The following HPS3 variants were observed in gnomAD, a reference collection of about 807,000 sequenced individuals.
HPS3 encodes the protein HPS3 biogenesis of lysosomal organelles complex 2 subunit 1.
HPS3 carries 79 observed loss-of-function variants against 110.9 expected under a neutral mutation model. The ratio of observed to expected loss-of-function variants is 0.71; its 90% confidence interval spans 0.59 to 0.86. HPS3 has a LOEUF of 0.86. Among genes scored for constraint, HPS3 ranks in the 40% least tolerant of loss-of-function variants. HPS3 has a pLI of 0.00. For synonymous variants in HPS3, 428 were observed against 451.0 expected (o/e 0.95, Z 0.65); for missense variants, 1,197 against 1,206.2 (o/e 0.99, Z 0.11).
intron 7 of HPS3, 99 bp from the exon 8 acceptor site, chr3:149,155,008 A>T: frequency 1.3e-6 from 1 of 747,516 alleles, no homozygotes; most frequent in Non-Finnish European, 2.4e-6. Flanking sequence ...AGTAAATGAA[A>T]ATGATTTTAT....
At chr3:149,144,752 C>T (rs1722692538) in intron 4 of HPS3, among the ~76,000 whole-genome samples, 1 of 152,072 alleles carries the variant, frequency 6.6e-6, no homozygotes. Context: ...TCACATGCCG[C>T]TATTAAGCAC....
At position 149,135,005 on chromosome 3, in the gene HPS3, A is replaced by G. The variant is rs536372326; in HGVS notation, c.218-4999A>G. Among the ~76,000 whole-genome samples the G allele has an allele frequency of 5.3e-5, 8 of 152,280 alleles. 1 individual carries two copies. The South Asian group carries it at 1.5e-3, about 28-fold the overall frequency. ...TTTTGGCCCCTTCCTTCCATTCACA[A>G]TAACTGGGACATGAGGATTCCGGCT... is the stretch of plus-strand genomic sequence containing the variant. On this transcript the variant is annotated intron_variant, in intron 1 of 16. Transcript: ENST00000296051.
intron 16 of HPS3, among the ~76,000 whole-genome samples, chr3:149,171,167 A>G (rs902076758): frequency 1.3e-5 from 2 of 152,068 alleles, no homozygotes; most frequent in African/African-American, 4.8e-5. Flanking sequence ...AGTCCCAGCT[A>G]TTTGGGAGGC....
Position 149,157,431 on chromosome 3 carries a change from G to T in HPS3, c.1591G>T (p.Ala531Ser). ...LLSEAHLLVR[A>S]ALMDASQLEP... ...CAGTGAGGCTCATCTGTTAGTGCGAGCTGCCCTGATGGATGCCAGTCAGCT... is the reference window on the plus strand; with the variant it reads ...CAGTGAGGCTCATCTGTTAGTGCGATCTGCCCTGATGGATGCCAGTCAGCT... The change falls in exon 9 of 17, where the codon GCT becomes TCT. Residue 531 changes from alanine to serine, a missense_variant. Ala to Ser is a moderately conservative substitution (Grantham distance 99, BLOSUM62 1). Transcript: ENST00000296051. The T allele has an allele frequency of 6.2e-7, 1 of 1,613,926 alleles. No homozygotes were observed. The highest frequency in any genetic ancestry group is 8.5e-7 in the Non-Finnish European group (1 of 1,179,882).
chr3:149,169,293 C>G (rs923471580), intron 16 of HPS3, among the ~76,000 whole-genome samples: 6 of 152,114 alleles, frequency 3.9e-5, no homozygotes, highest in African/African-American at 1.4e-4. Context: ...TGAAAAGAGC[C>G]CTGTACTGGG....
chr3:149,158,823 A>C lies in HPS3; in HGVS notation c.1849A>C (p.Asn617His). The C allele has an allele frequency of 6.3e-7, 1 of 1,594,724 alleles. No homozygotes were observed. Among genetic ancestry groups the C allele is most frequent in the Non-Finnish European group, 8.6e-7 (1 of 1,162,536 alleles). Residue 617 changes from asparagine to histidine, a missense_variant, in exon 10 of 17, where the codon AAC becomes CAC. Coordinates refer to ENST00000296051, the MANE Select transcript of HPS3 (RefSeq NM_032383.5). Reference sequence around the variant, plus strand: ...TTACATTAATCATTCACTTTATGAAAACCTGGATGAAGAATTAAATGAAGT... The same window carrying C: ...TTACATTAATCATTCACTTTATGAACACCTGGATGAAGAATTAAATGAAGT... ...IFYINHSLYENLDEELNEELA... is the reference protein window; with the variant it reads ...IFYINHSLYEHLDEELNEELA...
chr3:149,135,880 C>T (rs763303151), intron 1 of HPS3, among the ~76,000 whole-genome samples: 1 of 152,116 alleles, frequency 6.6e-6, no homozygotes, highest in Non-Finnish European at 1.5e-5. Flanking sequence ...TCCCACAAGC[C>T]CTACTTTCTC....
chr3:149,165,254 T>TA (rs1433745650), intron 14 of HPS3, among the ~76,000 whole-genome samples: 2 of 152,224 alleles, frequency 1.3e-5, no homozygotes, highest in Non-Finnish European at 2.9e-5. Flanking sequence ...ACACACTAAT[T>TA]ACATATTTAA....
intron 14 of HPS3, chr3:149,166,022 C>T (rs1026970816): frequency 8.3e-5 from 38 of 456,010 alleles, no homozygotes; most frequent in Admixed American, 1.9e-4. Flanking sequence ...AGATCACATT[C>T]CATATTCTCC....
chr3:149,129,652 A>G lies in HPS3; in HGVS notation c.-72A>G, dbSNP rs899915030. ...GGCTCGCTCGCGGAAGTAGTCCTAC[A>G]TTCGCGGTCAGCGCGGGGTCTCCGG... On this transcript the variant is annotated 5_prime_UTR_variant, in exon 1 of 17. Transcript: ENST00000296051. 1.2e-5 allele frequency: 14 copies of G among 1,206,710 alleles called. No homozygotes were observed. In the Admixed American group the frequency reaches 2.8e-4, roughly 24 times the overall value. The allele number at this position is 1,206,710 out of a possible 1,614,324, so 74.8% of individuals were successfully genotyped here.
At chr3:149,145,315 G>C in intron 4 of HPS3, 39 bp from the exon 5 acceptor site, 1 of 1,443,050 alleles carries the variant, frequency 6.9e-7, no homozygotes, top group South Asian at 1.1e-5. Context: ...TTTATTTACT[G>C]GTTTCATGGT....
Position 149,153,536 on chromosome 3 carries a change from CA to C in HPS3, c.1289del (p.Gln430ArgfsTer4). On this transcript the variant is annotated frameshift_variant, in exon 7 of 17. Transcript: ENST00000296051. LOFTEE classifies it high-confidence loss of function. Reference sequence around the variant, plus strand: ...TATGGATGTCTGTGCTTTAAGAATACAGCTTTTCATAGGCTTGAAAGCCATC... The same window carrying C: ...TATGGATGTCTGTGCTTTAAGAATACGCTTTTCATAGGCTTGAAAGCCATC... ...VSMDVCALRI[Q>X]LFIGLKAICH... 1 of 1,613,940 alleles carries C rather than the reference CA, an allele frequency of 6.2e-7. No individual in the cohort carries two copies.
chr3:149,152,238 CTCT>C (rs1243773579), intron 6 of HPS3, among the ~76,000 whole-genome samples: 2 of 152,150 alleles, frequency 1.3e-5, no homozygotes, highest in African/African-American at 2.4e-5. Context: ...ATTCTTTGTC[CTCT>C]TCTTTCCCCT....
At chr3:149,153,760 T>C in intron 7 of HPS3, 112 bp downstream of exon 7, 1 of 1,083,868 alleles carries the variant, frequency 9.2e-7, no homozygotes, top group Non-Finnish European at 1.4e-6. Flanking sequence ...CAAATGGCTT[T>C]TTTATGGTGG....
chr3:149,157,553 C>A, intron 9 of HPS3, 22 bp downstream of exon 9: 6 of 1,610,506 alleles, frequency 3.7e-6, no homozygotes, highest in Non-Finnish European at 5.1e-6. Context: ...CTCTTGGAAC[C>A]TTGTTACAGA....
intron 16 of HPS3, among the ~76,000 whole-genome samples, chr3:149,168,778 A>T (rs1030980126): frequency 6.6e-6 from 1 of 152,184 alleles, no homozygotes; most frequent in Non-Finnish European, 1.5e-5. Flanking sequence ...TTTTCAGAAG[A>T]TGGAAGTGTC....
rs10693502 is a variant in HPS3, at chr3:149,141,200, C to CTTTTT, written c.884+21_884+25dup. The stretch of plus-strand genomic sequence containing the variant: ...CACCTGCTCTATAGGTATTATAGTG[C>CTTTTT]TTTTTTTTTTTTTACCAGCATTTTA... On this transcript the variant is annotated intron_variant, in intron 3 of 16. Transcript: ENST00000296051. The CTTTTT allele has an allele frequency of 0.13, 189,653 of 1,463,776 alleles. 3,308 individuals carry two copies. The highest frequency in any genetic ancestry group is 0.15 in the East Asian group (6,165 of 41,258). 90.7% of individuals were successfully genotyped at this position (1,463,776 alleles called of 1,614,324 possible). A position where few individuals can be genotyped will look rare whatever the true frequency, so the allele number is the denominator to read the frequency against.
At position 149,150,669 on chromosome 3, in the gene HPS3, A is replaced by G. The variant is rs1723048500; in HGVS notation, c.1234A>G (p.Thr412Ala). Reference protein sequence around the residue: ...AAREEDPYMDTTLKACPPVSM... With the variant: ...AAREEDPYMDATLKACPPVSM... ...TCGTGAGGAGGACCCGTACATGGAC[A>G]CCACCCTGAAGGTAAGAACTGGCTT... is the stretch of plus-strand genomic sequence containing the variant. Residue 412 changes from threonine (T) to alanine (A), a missense_variant, in exon 6 of 17, where the codon ACC becomes GCC. Physicochemically the swap from Thr to Ala is moderately conservative, Grantham distance 58. Coordinates refer to ENST00000296051, the MANE Select transcript of HPS3 (RefSeq NM_032383.5). 6 of 1,613,140 alleles carry G rather than the reference A, an allele frequency of 3.7e-6. No individual in the cohort carries two copies. Among genetic ancestry groups the G allele is most frequent in the Admixed American group, 1.7e-5 (1 of 60,004 alleles).
chr3:149,168,015 A>G (rs1479675177), intron 16 of HPS3, 32 bp downstream of exon 16: 4 of 1,242,688 alleles, frequency 3.2e-6, no homozygotes, highest in Non-Finnish European at 4.7e-6. Flanking sequence ...TTGATTATAA[A>G]CTTAAGTTTC....
Sources: gnomAD v4.1 joint callset for allele counts (sites outside exome capture counted in the v4.1 genomes callset) on GRCh38, gnomAD v4.1.1 for gene constraint, MANE v1.5 for transcripts, NCBI Gene and HGNC (gene_info 2026-07-23, HGNC 2026-07-21) for gene names.